GEN1: variants seen among roughly 807,000 people sequenced by gnomAD.
GEN1 encodes the protein flap endonuclease GEN homolog 1.
In GEN1, 64 loss-of-function variants were observed where a neutral mutation model predicts 67.6. The observed-to-expected ratio is 0.95, with a 90% CI of 0.77 to 1.17. The LOEUF (loss-of-function observed/expected upper bound fraction) is 1.17, where lower values mean the gene tolerates loss of function less well. GEN1 is among the 50% of genes most tolerant of loss of function. The probability of loss-of-function intolerance (pLI) is 0.00; values close to 1 mark genes in which losing one functional copy is unlikely to be tolerated. For missense variants in GEN1, 1,058 were observed against 1,048.3 expected, an observed-to-expected ratio of 1.01 and a Z score of -0.13; for synonymous variants, 371 against 359.4, an observed-to-expected ratio of 1.03 and a Z score of -0.37.
At chr2:17,780,201 G>T in intron 13 of GEN1, 80 bp downstream of exon 13, 1 of 1,119,616 alleles carries the variant, frequency 8.9e-7, no homozygotes, top group Non-Finnish European at 1.3e-6. Context: ...AATCTGCTGT[G>T]TCTAAATTTT....
rs1418067358 is a variant in GEN1, at chr2:17,784,334, GA to G, written c.*2398del. 8.5e-5 allele frequency: 13 copies of G among 152,190 alleles called. No homozygotes were observed. Among genetic ancestry groups the G allele is most frequent in the African/African-American group, 3.1e-4 (13 of 41,448 alleles). The allele number at this position is 152,190 out of a possible 1,614,324, so 9.4% of individuals were successfully genotyped here. A position where few individuals can be genotyped will look rare whatever the true frequency, so the allele number is the denominator to read the frequency against. ...TAACTAGTATTGATGAGGATGTGGAGAAATTGAAATTCTCATAACATGCTGG... is the reference window on the plus strand; with the variant it reads ...TAACTAGTATTGATGAGGATGTGGAGAATTGAAATTCTCATAACATGCTGG... On this transcript the variant is annotated 3_prime_UTR_variant, in exon 14 of 14. Coordinates refer to ENST00000381254, the MANE Select transcript of GEN1 (RefSeq NM_001130009.3).
At chr2:17,759,644 A>C (rs2125118791) in intron 1 of GEN1, among the ~76,000 whole-genome samples, 1 of 151,968 alleles carries the variant, frequency 6.6e-6, no homozygotes, top group South Asian at 2.1e-4. Flanking sequence ...TAAGTATGTA[A>C]ATCAAGGAGT....
Position 17,780,704 on chromosome 2 carries a change from G to A in GEN1, c.1492G>A (p.Glu498Lys), listed in dbSNP as rs766256821. The A allele has an allele frequency of 1.2e-6, 2 of 1,613,904 alleles. No individual in the cohort carries two copies. The highest frequency in any genetic ancestry group is 1.7e-6 in the Non-Finnish European group (2 of 1,179,894). ...ACACATGACTTTAAAACCCACATGT[G>A]AAATCTTTCATAAGCAGAATTCCAA... ...QSHMTLKPTC[E>K]IFHKQNSKLN... is the part of the protein sequence containing the mutation. The change falls in exon 14 of 14, where the codon GAA becomes AAA. Residue 498 changes from glutamate to lysine, a missense_variant. Transcript: ENST00000381254.
chr2:17,764,094 T>A (rs1671811124), intron 3 of GEN1, among the ~76,000 whole-genome samples: 1 of 152,188 alleles, frequency 6.6e-6, no homozygotes, highest in Non-Finnish European at 1.5e-5. Flanking sequence ...CGGGGTTAAA[T>A]TCATAAACCA....
chr2:17,767,365 C>G (rs956112463), intron 5 of GEN1, among the ~76,000 whole-genome samples: 8 of 152,184 alleles, frequency 5.3e-5, no homozygotes, highest in Admixed American at 2.0e-4. Flanking sequence ...TTTCTGTATC[C>G]TTACAATCCG....
chr2:17,780,526 A>T, intron 13 of GEN1, 95 bp from the exon 14 acceptor site: 1 of 781,596 alleles, frequency 1.3e-6, no homozygotes, highest in Non-Finnish European at 2.0e-6. Context: ...AACTATTCAT[A>T]GAGATTTCTC....
intron 7 of GEN1, 72 bp from the exon 8 acceptor site, chr2:17,772,562 G>T (rs1039267244): frequency 2.9e-6 from 4 of 1,400,376 alleles, no homozygotes; most frequent in Non-Finnish European, 2.9e-6. Flanking sequence ...TTAGATACTG[G>T]CAAAAAGAAT....
chr2:17,753,528 GCCT>G (rs1671205410), upstream of GEN1: 1 of 152,282 alleles, frequency 6.6e-6, no homozygotes, highest in Non-Finnish European at 1.5e-5. Flanking sequence ...AGCTGACCCT[GCCT>G]CTCCCGGGTG....
rs570575589 is a variant in GEN1, at chr2:17,774,415, C to G, written c.1202+14C>G. ...ACAGCCAATTCGGTAATGTAAAGAA[C>G]TGTATGGTGAAGGTGGTGTTTTTAC... On this transcript the variant is annotated intron_variant, in intron 11 of 13. Transcript: ENST00000381254. 4.4e-6 allele frequency: 7 copies of G among 1,577,188 alleles called. No homozygotes were observed. The South Asian group carries it at 8.3e-5, about 19-fold the overall frequency.
chr2:17,776,589 T>C (rs928139028), intron 11 of GEN1, among the ~76,000 whole-genome samples: 9 of 152,324 alleles, frequency 5.9e-5, no homozygotes, highest in Admixed American at 5.2e-4. Flanking sequence ...TTTGCAACTT[T>C]TATAAAGGTT....
At position 17,764,843 on chromosome 2, in the gene GEN1, TA is replaced by T. The variant is rs1284232098; in HGVS notation, c.349-51del. ...ATACAGAAATAGGTTTAATAGTAAA[TA>T]AATGAGCAGTGAAAACATTCTTTAA... On this transcript the variant is annotated intron_variant, in intron 3 of 13. Coordinates refer to ENST00000381254, the MANE Select transcript of GEN1 (RefSeq NM_001130009.3). 9 of 1,500,744 alleles carry T rather than the reference TA, an allele frequency of 6.0e-6. No individual in the cohort carries two copies. The East Asian group carries it at 2.0e-4, about 34-fold the overall frequency. 93.0% of individuals were successfully genotyped at this position (1,500,744 alleles called of 1,614,324 possible).
Position 17,781,908 on chromosome 2 carries a change from A to G in GEN1, c.2696A>G (p.Gln899Arg), listed in dbSNP as rs1672861413. Residue 899 changes from glutamine to arginine, a missense_variant, in exon 14 of 14, where the codon CAG (glutamine) becomes CGG (arginine). Coordinates refer to ENST00000381254, the MANE Select transcript of GEN1 (RefSeq NM_001130009.3). ...TTGGATAGCCCTCTTCCTTTACGCC[A>G]GAGATTAAAACTAAGATTCCAAAGC... ...TCLDSPLPLR[Q>R]RLKLRFQST The G allele has an allele frequency of 8.3e-6, 13 of 1,565,580 alleles. No individual in the cohort carries two copies. Among genetic ancestry groups the G allele is most frequent in the Non-Finnish European group, 1.1e-5 (13 of 1,162,546 alleles).
chr2:17,772,084 CT>C (rs1672216551), intron 7 of GEN1, among the ~76,000 whole-genome samples: 1 of 151,944 alleles, frequency 6.6e-6, no homozygotes, highest in Non-Finnish European at 1.5e-5. Context: ...AGTAATCACA[CT>C]TTGCTTTTAA....
chr2:17,778,323 C>CATATATGTATACACACATATGT (rs1553331284), intron 12 of GEN1, among the ~76,000 whole-genome samples: 1 of 30,870 alleles, frequency 3.2e-5, no homozygotes, highest in Non-Finnish European at 6.3e-5. Context: ...TACACACACA[C>CATATATGTATACACACATATGT]GTGTACATAT....
At chr2:17,756,832 T>C (rs183580096) in intron 1 of GEN1, among the ~76,000 whole-genome samples, 18 of 152,358 alleles carry the variant, frequency 1.2e-4, no homozygotes, top group Admixed American at 3.9e-4. Flanking sequence ...TTCAGTGTAG[T>C]TGTACTTTAA....
In GEN1 at chr2:17,784,966, C is replaced by G. The variant is rs180841774; in HGVS notation, c.*3027C>G. The G allele has an allele frequency of 6.6e-6, 1 of 152,250 alleles. No homozygotes were observed. The highest frequency in any genetic ancestry group is 1.5e-5 in the Non-Finnish European group (1 of 68,110). 9.4% of individuals were successfully genotyped at this position (152,250 alleles called of 1,614,324 possible). A position where few individuals can be genotyped will look rare whatever the true frequency, so the allele number is the denominator to read the frequency against. ...ACCGGCCTGCACAGCAGGTGTTGAGCGGCATGCAAGCGAGAATTACCGCCT... is the reference window on the plus strand; with the variant it reads ...ACCGGCCTGCACAGCAGGTGTTGAGGGGCATGCAAGCGAGAATTACCGCCT... On this transcript the variant is annotated 3_prime_UTR_variant, in exon 14 of 14. Coordinates refer to ENST00000381254, the MANE Select transcript of GEN1 (RefSeq NM_001130009.3).
chr2:17,764,459 A>C (rs1671828480), intron 3 of GEN1, among the ~76,000 whole-genome samples: 2 of 152,248 alleles, frequency 1.3e-5, no homozygotes, highest in Admixed American at 1.3e-4. Context: ...CTTTGTAATT[A>C]ACATTAAAAT....
At chr2:17,778,813 A>G (rs1445916919) in intron 12 of GEN1, among the ~76,000 whole-genome samples, 1 of 151,644 alleles carries the variant, frequency 6.6e-6, no homozygotes, top group Non-Finnish European at 1.5e-5. Context: ...TTCAGTGGGA[A>G]TTTTTTATTG....
intron 3 of GEN1, 74 bp downstream of exon 3, chr2:17,761,656 C>A: frequency 1.0e-6 from 1 of 959,064 alleles, no homozygotes; most frequent in Non-Finnish European, 1.5e-6. Context: ...AGTTTGTCAT[C>A]TTTAATACTT....
Sources: allele counts gnomAD v4.1 joint callset (sites outside exome capture counted in the v4.1 genomes callset), GRCh38; gene constraint gnomAD v4.1.1; transcripts MANE v1.5; gene names NCBI Gene and HGNC (gene_info 2026-07-23, HGNC 2026-07-21).